The following ITM2B variants were observed in gnomAD, a reference collection of about 807,000 sequenced individuals.
ITM2B encodes integral membrane protein 2B.
A neutral mutation model predicts 27.8 loss-of-function variants in ITM2B; 11 were observed. That is an observed-to-expected ratio of 0.40 (90% CI 0.25 to 0.66). The LOEUF (loss-of-function observed/expected upper bound fraction) is 0.66, where lower values mean the gene tolerates loss of function less well. Ranked by LOEUF, ITM2B falls within the 30% of genes least tolerant of loss-of-function variation. The pLI, the probability that ITM2B is intolerant of heterozygous loss-of-function variation, is 0.43. For synonymous variants in ITM2B, 114 were observed against 114.3 expected, an observed-to-expected ratio of 1.00 and a Z score of 0.02; for missense variants, 296 against 328.9, an observed-to-expected ratio of 0.90 and a Z score of 0.77.
At chr13:48,254,380 T>G (rs1387673067) in intron 2 of ITM2B, among the ~76,000 whole-genome samples, 1 of 152,234 alleles carries the variant, frequency 6.6e-6, no homozygotes, top group Non-Finnish European at 1.5e-5. Flanking sequence ...ACCATGTCTC[T>G]GCTTCTTTTC....
In ITM2B at chr13:48,254,047, A is replaced by G. The variant is rs1951771589; in HGVS notation, c.246+111A>G. The G allele has an allele frequency of 5.9e-6, 6 of 1,021,688 alleles. No homozygotes were observed. The South Asian group carries it at 8.1e-5, about 14-fold the overall frequency. The allele number at this position is 1,021,688 out of a possible 1,614,324, so 63.3% of individuals were successfully genotyped here. A position where few individuals can be genotyped will look rare whatever the true frequency, so the allele number is the denominator to read the frequency against. ...GCTAAGCTTGTACTTTTTATCTGTGACCTTCAGCCAGAGTGGTAGTTCTAT... is the reference window on the plus strand; with the variant it reads ...GCTAAGCTTGTACTTTTTATCTGTGGCCTTCAGCCAGAGTGGTAGTTCTAT... On this transcript the variant is annotated intron_variant, in intron 2 of 5. Coordinates refer to ENST00000647800, the MANE Select transcript of ITM2B (RefSeq NM_021999.5).
intron 1 of ITM2B, among the ~76,000 whole-genome samples, chr13:48,246,273 G>A (rs1951724181): frequency 6.6e-6 from 1 of 152,214 alleles, no homozygotes; most frequent in Admixed American, 6.5e-5. Context: ...ATAGAGAGCA[G>A]CTTTCTGTGT....
rs761646574 is a variant in ITM2B, at chr13:48,253,822, G to C, written c.132G>C (p.Val44=). 2 of 1,613,670 alleles carry C rather than the reference G, an allele frequency of 1.2e-6. No homozygotes were observed. The highest frequency in any genetic ancestry group is 2.7e-5 in the African/African-American group (2 of 74,902). ...VAVDCKDPDD[V]VPVGQRRAWC... is the part of the protein sequence containing the mutation. ...TCATATTTTAGGACCCAGATGATGT[G>C]GTACCAGTTGGCCAAAGAAGAGCCT... The change falls in exon 2 of 6, where the codon GTG becomes GTC. Residue 44 remains valine, a synonymous_variant. Coordinates refer to ENST00000647800, the MANE Select transcript of ITM2B (RefSeq NM_021999.5).
chr13:48,235,641 A>T (rs1951664065), intron 1 of ITM2B, among the ~76,000 whole-genome samples: 1 of 152,222 alleles, frequency 6.6e-6, no homozygotes, highest in Non-Finnish European at 1.5e-5. Flanking sequence ...CAGTGATTAC[A>T]TAATGTTCTC....
rs1192828140 is a variant in ITM2B at position 48,262,989 on chromosome 13, A to C, written c.*1765A>C. 6 of 152,292 alleles carry C rather than the reference A, an allele frequency of 3.9e-5. No homozygotes were observed. The highest frequency in any genetic ancestry group is 3.4e-3 in the Middle Eastern group (1 of 294). 9.4% of individuals were successfully genotyped at this position (152,292 alleles called of 1,614,324 possible). ...TTCCTGTTGATTATAGTAGTAATGC[A>C]GTATCAGGGTAGCTGAACTGCAATA... On this transcript the variant is annotated 3_prime_UTR_variant, in exon 6 of 6. Transcript: ENST00000647800.
At chr13:48,234,192 CG>C in intron 1 of ITM2B, among the ~76,000 whole-genome samples, 2 of 152,118 alleles carry the variant, frequency 1.3e-5, no homozygotes, top group Non-Finnish European at 2.9e-5. Flanking sequence ...ACTCCTGCTG[CG>C]TGAAACTAAA....
rs1244401602 is a variant in ITM2B at position 48,261,352 on chromosome 13, T to TC, written c.*129dup. 5.6e-6 allele frequency: 4 copies of TC among 712,548 alleles called. No individual in the cohort carries two copies. The highest frequency in any genetic ancestry group is 9.9e-6 in the Non-Finnish European group (4 of 406,016). 44.1% of individuals were successfully genotyped at this position (712,548 alleles called of 1,614,324 possible). A position where few individuals can be genotyped will look rare whatever the true frequency, so the allele number is the denominator to read the frequency against. On this transcript the variant is annotated 3_prime_UTR_variant, in exon 6 of 6. Coordinates refer to ENST00000647800, the MANE Select transcript of ITM2B (RefSeq NM_021999.5). ...TAGCAAACAGGGCTTTACTATCTTT[T>TC]CATCTCATTAATTCAATTAAAACCA...
chr13:48,259,421 G>A (rs971529208), intron 5 of ITM2B, among the ~76,000 whole-genome samples: 34 of 152,178 alleles, frequency 2.2e-4, no homozygotes, highest in Non-Finnish European at 4.7e-4. Context: ...TACAACTAAT[G>A]TTGTAGCTTT....
rs1345706482 is a variant in ITM2B at position 48,268,691 on chromosome 13, G to A, written c.*7467G>A. On this transcript the variant is annotated 3_prime_UTR_variant, in exon 6 of 6. Coordinates refer to ENST00000647800, the MANE Select transcript of ITM2B (RefSeq NM_021999.5). ...TCATTGTTTCCAAGTTGGGAAGTATGAATAAAGTTGCTATGAACATGCATG... is the reference window on the plus strand; with the variant it reads ...TCATTGTTTCCAAGTTGGGAAGTATAAATAAAGTTGCTATGAACATGCATG... 1.3e-5 allele frequency: 2 copies of A among 152,116 alleles called. No individual in the cohort carries two copies. Among genetic ancestry groups the A allele is most frequent in the Non-Finnish European group, 2.9e-5 (2 of 68,012 alleles). 9.4% of individuals were successfully genotyped at this position (152,116 alleles called of 1,614,324 possible).
chr13:48,247,369 A>G (rs1951730650), intron 1 of ITM2B, among the ~76,000 whole-genome samples: 1 of 152,164 alleles, frequency 6.6e-6, no homozygotes, highest in Non-Finnish European at 1.5e-5. Context: ...TTTTGATAAT[A>G]TAATTTTTAA....
chr13:48,238,309 G>A (rs1951680355), intron 1 of ITM2B, among the ~76,000 whole-genome samples: 1 of 152,104 alleles, frequency 6.6e-6, no homozygotes, highest in Non-Finnish European at 1.5e-5. Context: ...ACAATTGAAT[G>A]AACAAGATTA....
At chr13:48,258,065 T>G (rs1951800039) in intron 3 of ITM2B, 61 bp from the exon 4 acceptor site, 1 of 811,162 alleles carries the variant, frequency 1.2e-6, no homozygotes, top group Non-Finnish European at 2.2e-6. Context: ...TTCTTAAAAA[T>G]CCAGTTGCTG....
intron 1 of ITM2B, among the ~76,000 whole-genome samples, chr13:48,251,835 T>C (rs879417390): frequency 3.3e-5 from 5 of 152,172 alleles, no homozygotes; most frequent in African/African-American, 9.7e-5. Flanking sequence ...TCCTTAGATA[T>C]TTATGTCAGA....
chr13:48,250,572 C>T (rs979111523), intron 1 of ITM2B, among the ~76,000 whole-genome samples: 24 of 151,200 alleles, frequency 1.6e-4, no homozygotes, highest in Non-Finnish European at 2.7e-4. Context: ...GAGCTGAGAT[C>T]GCGCCACTGC....
rs1207862425 is a variant in ITM2B at position 48,263,813 on chromosome 13, C to T, written c.*2589C>T. 6.6e-6 allele frequency: 1 copy of T among 152,046 alleles called. No individual in the cohort carries two copies. Among genetic ancestry groups the T allele is most frequent in the East Asian group, 1.9e-4 (1 of 5,180 alleles). The allele number at this position is 152,046 out of a possible 1,614,324, so 9.4% of individuals were successfully genotyped here. ...GACACTAGTTCCATTCATGGGGGTT[C>T]CACTCTCATGACCTAACACCTCTCA... is the stretch of plus-strand genomic sequence containing the variant. On this transcript the variant is annotated 3_prime_UTR_variant, in exon 6 of 6. Coordinates refer to ENST00000647800, the MANE Select transcript of ITM2B (RefSeq NM_021999.5).
At chr13:48,250,221 C>T (rs979748139) in intron 1 of ITM2B, among the ~76,000 whole-genome samples, 1 of 152,144 alleles carries the variant, frequency 6.6e-6, no homozygotes, top group African/African-American at 2.4e-5. Context: ...GTTTGTTTTA[C>T]GTTATGAATT....
intron 3 of ITM2B, among the ~76,000 whole-genome samples, chr13:48,257,025 C>T (rs774146152): frequency 6.6e-5 from 10 of 152,158 alleles, no homozygotes; most frequent in Non-Finnish European, 1.2e-4. Flanking sequence ...TCTGAAACTG[C>T]ATATAGTACC....
At chr13:48,243,194 G>C (rs1031165861) in intron 1 of ITM2B, among the ~76,000 whole-genome samples, 2 of 152,208 alleles carry the variant, frequency 1.3e-5, no homozygotes, top group Non-Finnish European at 2.9e-5. Flanking sequence ...AGGAATTTTA[G>C]AGGCAACTCA....
Position 48,253,134 on chromosome 13 carries a change from T to C in ITM2B, c.118-674T>C, listed in dbSNP as rs186495518. Among the ~76,000 whole-genome samples, 341 of 152,354 alleles carry C rather than the reference T, an allele frequency of 2.2e-3. 7 individuals are homozygous for C. The highest frequency in any genetic ancestry group is 0.021 in the Admixed American group (320 of 15,306). ...TGTTCTCATTTTTTTCTACTGCTTCTATCTTTAAAAGAAAGTGAAGAATTT... is the reference window on the plus strand; with the variant it reads ...TGTTCTCATTTTTTTCTACTGCTTCCATCTTTAAAAGAAAGTGAAGAATTT... On this transcript the variant is annotated intron_variant, in intron 1 of 5. Transcript: ENST00000647800.
Sources: allele counts gnomAD v4.1 joint callset (sites outside exome capture counted in the v4.1 genomes callset), GRCh38; gene constraint gnomAD v4.1.1; transcripts MANE v1.5; gene names NCBI Gene and HGNC (gene_info 2026-07-23, HGNC 2026-07-21).